Variants in DPYD observed in about 807,000 individuals in gnomAD.
DPYD encodes dihydropyrimidine dehydrogenase.
In DPYD, 109 loss-of-function variants were observed where a neutral mutation model predicts 116.2. The observed-to-expected ratio is 0.94, with a 90% confidence interval of 0.80 to 1.10. The LOEUF is 1.10. Ranked by LOEUF, DPYD falls within the 50% of genes least tolerant of loss-of-function variation. The pLI, the probability that DPYD is intolerant of heterozygous loss-of-function variation, is 0.00. For synonymous variants in DPYD, 440 were observed against 432.0 expected, an observed-to-expected ratio of 1.02 and a Z score of -0.23; for missense variants, 1,302 against 1,254.5, an observed-to-expected ratio of 1.04 and a Z score of -0.57.
chr1:97,164,097 C>T (rs1440557553), intron 20 of DPYD, among the ~76,000 whole-genome samples: 2 of 152,102 alleles, frequency 1.3e-5, no homozygotes, highest in African/African-American at 4.8e-5. Flanking sequence ...TAGGCTTTAT[C>T]CCTGGGGTGC....
rs1176380267 is a variant in DPYD at position 97,921,007 on chromosome 1, C to A, written c.-85G>T. On this transcript the variant is annotated 5_prime_UTR_variant, in exon 1 of 23. Transcript: ENST00000370192. The stretch of plus-strand genomic sequence containing the variant: ...AGCCAGAGAGCCAAGTGACAGCAGC[C>A]GGAGCGCGAGTCGAAAACAGGCAGA... 3 of 1,525,028 alleles carry A rather than the reference C, an allele frequency of 2.0e-6. No individual in the cohort carries two copies. The highest frequency in any genetic ancestry group is 3.9e-5 in the Admixed American group (2 of 50,864). 94.5% of individuals were successfully genotyped at this position (1,525,028 alleles called of 1,614,324 possible).
At chr1:97,343,798 C>T (rs980124197) in intron 16 of DPYD, among the ~76,000 whole-genome samples, 4 of 151,768 alleles carry the variant, frequency 2.6e-5, no homozygotes, top group Non-Finnish European at 4.4e-5. Context: ...CCCTTTACTA[C>T]AATAAATAGG....
intron 20 of DPYD, among the ~76,000 whole-genome samples, chr1:97,111,324 T>C (rs1651579978): frequency 6.6e-6 from 1 of 152,104 alleles, no homozygotes; most frequent in African/African-American, 2.4e-5. Flanking sequence ...TAGAATAAAA[T>C]TGGAAAACAT....
At chr1:97,181,474 A>T (rs1040860879) in intron 20 of DPYD, among the ~76,000 whole-genome samples, 1 of 152,076 alleles carries the variant, frequency 6.6e-6, no homozygotes, top group African/African-American at 2.4e-5. Context: ...AAGTTAATTA[A>T]TTTATCTCCA....
At chr1:97,908,150 A>G (rs1247631878) in intron 1 of DPYD, among the ~76,000 whole-genome samples, 1 of 151,958 alleles carries the variant, frequency 6.6e-6, no homozygotes, top group Non-Finnish European at 1.5e-5. Context: ...GGCTCAAGCA[A>G]TCCTCCCGCC....
At chr1:97,675,893 T>A (rs996905021) in intron 8 of DPYD, among the ~76,000 whole-genome samples, 3 of 151,726 alleles carry the variant, frequency 2.0e-5, no homozygotes, top group Non-Finnish European at 4.4e-5. Flanking sequence ...GGATTACAGG[T>A]GCACACCACC....
At chr1:97,411,568 A>G (rs1025595846) in intron 14 of DPYD, among the ~76,000 whole-genome samples, 3 of 152,220 alleles carry the variant, frequency 2.0e-5, no homozygotes, top group Non-Finnish European at 4.4e-5. Flanking sequence ...TACTTAGGAT[A>G]ATGATTAATG....
intron 20 of DPYD, among the ~76,000 whole-genome samples, chr1:97,162,233 G>A (rs2101747090): frequency 6.6e-6 from 1 of 152,266 alleles, no homozygotes; most frequent in East Asian, 1.9e-4. Context: ...TCCAGCACCT[G>A]TTGTTTACTG....
intron 14 of DPYD, among the ~76,000 whole-genome samples, chr1:97,391,392 G>T (rs1672696968): frequency 6.6e-6 from 1 of 151,852 alleles, no homozygotes; most frequent in South Asian, 2.1e-4. Context: ...TCCCAGATCA[G>T]AAAACTAGGA....
chr1:97,865,935 T>C (rs568943635), intron 2 of DPYD, among the ~76,000 whole-genome samples: 1 of 152,104 alleles, frequency 6.6e-6, no homozygotes, highest in South Asian at 2.1e-4. Context: ...TAAGTGGTTA[T>C]ATACACATAG....
chr1:97,417,767 T>C (rs182316689), intron 14 of DPYD, among the ~76,000 whole-genome samples: 7 of 152,314 alleles, frequency 4.6e-5, no homozygotes, highest in Non-Finnish European at 1.0e-4. Context: ...CCCTGTCATG[T>C]CTCTGGGAAG....
Position 97,430,985 on chromosome 1 carries a change from A to G in DPYD, c.1905+19074T>C, listed in dbSNP as rs1006746678. Among the ~76,000 whole-genome samples the G allele has an allele frequency of 2.6e-5, 4 of 152,264 alleles. No individual in the cohort carries two copies. In the East Asian group the frequency reaches 7.7e-4, roughly 29 times the overall value. ...ACAGGCTTAGCAGTTTTTTCCAGAC[A>G]ATCCTGGAGGAGGAAATTAAAAAAT... On this transcript the variant is annotated intron_variant, in intron 14 of 22. Transcript: ENST00000370192.
chr1:97,194,862 G>T lies in DPYD; in HGVS notation c.2443-1614C>A, dbSNP rs767626115. On this transcript the variant is annotated intron_variant, in intron 19 of 22. Transcript: ENST00000370192. ...CTATTACAAAAGATTAAAAAGAAAA[G>T]AGAACTAAAATAAAAAATTCTGGAG... is the stretch of plus-strand genomic sequence containing the variant. Among the ~76,000 whole-genome samples the T allele has an allele frequency of 9.9e-5, 15 of 152,236 alleles. 1 individual carries two copies. The highest frequency in any genetic ancestry group is 2.0e-4 in the Admixed American group (3 of 15,292).
At chr1:97,340,325 C>A (rs1021239264) in intron 16 of DPYD, among the ~76,000 whole-genome samples, 3 of 152,054 alleles carry the variant, frequency 2.0e-5, no homozygotes, top group Non-Finnish European at 4.4e-5. Flanking sequence ...ATTCTCAAAG[C>A]TATATGCATA....
chr1:97,816,910 G>C (rs1455715600), intron 3 of DPYD, among the ~76,000 whole-genome samples: 1 of 152,098 alleles, frequency 6.6e-6, no homozygotes. Flanking sequence ...AAATTGGAAG[G>C]ACTTCATAGT....
At chr1:97,519,864 T>A (rs1382503151) in intron 12 of DPYD, among the ~76,000 whole-genome samples, 1 of 152,184 alleles carries the variant, frequency 6.6e-6, no homozygotes, top group African/African-American at 2.4e-5. Context: ...TTCTTCTCCA[T>A]CTGCTGAAAA....
At chr1:97,162,278 A>C (rs184855996) in intron 20 of DPYD, among the ~76,000 whole-genome samples, 1 of 152,258 alleles carries the variant, frequency 6.6e-6, no homozygotes, top group Admixed American at 6.5e-5. Flanking sequence ...CTGGTGTGAG[A>C]TGGTATCTCA....
rs375310433 is a variant in DPYD at position 97,867,168 on chromosome 1, C to A, written c.150+16096G>T. Among the ~76,000 whole-genome samples the A allele has an allele frequency of 6.6e-5, 10 of 151,852 alleles. No homozygotes were observed. In the East Asian group the frequency reaches 2.0e-3, roughly 30 times the overall value. ...GTCACTTTAGAGAACCTCCATATCT[C>A]AAACATAAACACAATAAATTTATTA... On this transcript the variant is annotated intron_variant, in intron 2 of 22. Transcript: ENST00000370192.
At chr1:97,292,253 A>G (rs1666239472) in intron 18 of DPYD, among the ~76,000 whole-genome samples, 1 of 152,164 alleles carries the variant, frequency 6.6e-6, no homozygotes, top group East Asian at 1.9e-4. Flanking sequence ...TGCTGCTATT[A>G]AAGGCATACC....
Sources: gnomAD v4.1 joint callset for allele counts (sites outside exome capture counted in the v4.1 genomes callset) on GRCh38, gnomAD v4.1.1 for gene constraint, MANE v1.5 for transcripts, NCBI Gene and HGNC (gene_info 2026-07-23, HGNC 2026-07-21) for gene names.